Variants in SI observed in about 807,000 individuals in gnomAD.
SI encodes the protein sucrase-isomaltase, intestinal.
Under a neutral mutation model 253.3 loss-of-function variants are expected in SI, and 235 were observed. That is an observed-to-expected ratio of 0.93 (90% CI 0.83 to 1.03). The LOEUF (loss-of-function observed/expected upper bound fraction) is 1.03. Among genes scored for constraint, SI ranks in the 50% least tolerant of loss-of-function variants. The pLI, the probability that SI is intolerant of heterozygous loss-of-function variation, is 0.00. For missense variants in SI, 2,442 were observed against 2,211.1 expected (o/e 1.10, Z -2.09); for synonymous variants, 819 against 712.0 (o/e 1.15, Z -2.39).
chr3:165,029,207 A>G (rs1712088708), intron 25 of SI, among the ~76,000 whole-genome samples: 1 of 151,406 alleles, frequency 6.6e-6, no homozygotes, highest in Non-Finnish European at 1.5e-5. Flanking sequence ...GATCAGGTAA[A>G]TGCAAATTAA....
intron 37 of SI, among the ~76,000 whole-genome samples, chr3:165,003,803 G>T (rs955785399): frequency 6.6e-6 from 1 of 151,638 alleles, no homozygotes; most frequent in Non-Finnish European, 1.5e-5. Context: ...AAATGAAAAA[G>T]CATACAACAG....
chr3:165,037,964 C>T lies in SI; in HGVS notation c.2362G>A (p.Gly788Arg), dbSNP rs1042903450. 3 of 1,611,436 alleles carry T rather than the reference C, an allele frequency of 1.9e-6. No individual in the cohort carries two copies. The highest frequency in any genetic ancestry group is 1.1e-5 in the South Asian group (1 of 91,002). The change falls in exon 21 of 48, where the codon GGA (glycine) becomes AGA (arginine). Residue 788 changes from glycine (G) to arginine (R), a missense_variant. Transcript: ENST00000264382. The part of the protein sequence containing the change: ...VDMYLPADKI[G>R]LHLRGGYIIP... ...ATATAACCTCCTCTAAGATGTAATC[C>T]TATTTTGTCTGCTGGAAGATACATA...
chr3:165,077,256 C>A (rs939360051), intron 1 of SI, among the ~76,000 whole-genome samples: 19 of 151,520 alleles, frequency 1.3e-4, no homozygotes, highest in Non-Finnish European at 2.7e-4. Context: ...TAGGTGAATT[C>A]TAAATTTTGC....
intron 37 of SI, among the ~76,000 whole-genome samples, chr3:165,005,258 T>C (rs1228833117): frequency 6.7e-6 from 1 of 150,298 alleles, no homozygotes; most frequent in East Asian, 1.9e-4. Flanking sequence ...TATATATAGT[T>C]AGAAAGAATG....
At chr3:164,995,570 C>A (rs1559981340) in intron 40 of SI, among the ~76,000 whole-genome samples, 3 of 151,708 alleles carry the variant, frequency 2.0e-5, no homozygotes, top group Admixed American at 1.3e-4. Flanking sequence ...CCTCCTTCTG[C>A]ATTTGAATTT....
At chr3:164,986,419 C>T (rs1421123055) in intron 45 of SI, among the ~76,000 whole-genome samples, 1 of 152,156 alleles carries the variant, frequency 6.6e-6, no homozygotes, top group African/African-American at 2.4e-5. Context: ...AGGGGTCTTA[C>T]CCCATACCTG....
intron 13 of SI, 110 bp from the exon 14 acceptor site, chr3:165,049,985 G>A (rs937994922): frequency 6.1e-5 from 43 of 709,922 alleles, no homozygotes; most frequent in East Asian, 1.6e-4. Flanking sequence ...CATAATGCTC[G>A]TTAATTCCTA....
rs769837109 is a variant in SI at position 165,017,954 on chromosome 3, CA to C, written c.3520+15del. 6.3e-7 allele frequency: 1 copy of C among 1,593,704 alleles called. No homozygotes were observed. The highest frequency in any genetic ancestry group is 1.1e-5 in the South Asian group (1 of 90,622). On this transcript the variant is annotated intron_variant, in intron 29 of 47. Transcript: ENST00000264382. Reference sequence around the variant, plus strand: ...GTCACATAAAATAAGAGACATTCAACAAATGATTGTTTTACCCATTGCATTG... The same window carrying C: ...GTCACATAAAATAAGAGACATTCAACAATGATTGTTTTACCCATTGCATTG...
At chr3:165,035,061 A>C (rs953161241) in intron 22 of SI, among the ~76,000 whole-genome samples, 3 of 151,980 alleles carry the variant, frequency 2.0e-5, no homozygotes, top group African/African-American at 7.2e-5. Flanking sequence ...CATCTGTAGC[A>C]ATGAAGTTAC....
At position 165,021,218 on chromosome 3, in the gene SI, C is replaced by G; in HGVS notation, c.3254+11G>C. Reference sequence around the variant, plus strand: ...AAAATATCCTTTATATCAAATAATTCAATTACTTACATGACTCTTCCACTG... The same window carrying G: ...AAAATATCCTTTATATCAAATAATTGAATTACTTACATGACTCTTCCACTG... On this transcript the variant is annotated intron_variant, in intron 27 of 47. Transcript: ENST00000264382. 6.2e-7 allele frequency: 1 copy of G among 1,606,278 alleles called. No individual in the cohort carries two copies. The highest frequency in any genetic ancestry group is 8.5e-7 in the Non-Finnish European group (1 of 1,173,876).
In SI at chr3:165,043,180, A is replaced by C. The variant is rs1712937837; in HGVS notation, c.1888-5T>G. ...TCCACAGATGTCTGCTCCAACCTAA[A>C]TAACAAATATATTTACTATTTATAA... On this transcript the variant is annotated splice_polypyrimidine_tract_variant and splice_region_variant and intron_variant, in intron 16 of 47. Coordinates refer to ENST00000264382, the MANE Select transcript of SI (RefSeq NM_001041.4). The C allele has an allele frequency of 6.4e-7, 1 of 1,571,408 alleles. No homozygotes were observed. Among genetic ancestry groups the C allele is most frequent in the Non-Finnish European group, 8.7e-7 (1 of 1,143,162 alleles).
the SI span, among the ~76,000 whole-genome samples, chr3:165,084,503 A>AT: frequency 1.4e-4 from 22 of 152,076 alleles, no homozygotes; most frequent in African/African-American, 5.1e-4. Flanking sequence ...GATATGTAAA[A>AT]ATTTTTTTCT....
At chr3:165,061,353 T>C (rs1281790428) in intron 9 of SI, among the ~76,000 whole-genome samples, 4 of 151,992 alleles carry the variant, frequency 2.6e-5, no homozygotes, top group African/African-American at 7.2e-5. Context: ...AAAGTCTATA[T>C]GTAGGCCAGC....
At chr3:165,063,376 TAAAG>T in intron 8 of SI, 62 bp downstream of exon 8, 2 of 763,970 alleles carry the variant, frequency 2.6e-6, no homozygotes, top group Admixed American at 1.9e-5. Flanking sequence ...ATGATTGAAA[TAAAG>T]AGAGCAGTTA....
At chr3:165,073,262 A>C (rs879265919) in intron 3 of SI, among the ~76,000 whole-genome samples, 1 of 146,630 alleles carries the variant, frequency 6.8e-6, no homozygotes, top group Non-Finnish European at 1.5e-5. Context: ...TTCGAGACGG[A>C]GTCTCGCTCT....
At chr3:165,052,908 T>C (rs1713504062) in intron 13 of SI, among the ~76,000 whole-genome samples, 1 of 152,076 alleles carries the variant, frequency 6.6e-6, no homozygotes, top group African/African-American at 2.4e-5. Context: ...TTTGGGCATA[T>C]CTTCTTATAA....
intron 18 of SI, 53 bp downstream of exon 18, chr3:165,040,887 T>C (rs901373036): frequency 3.5e-6 from 5 of 1,428,624 alleles, no homozygotes; most frequent in African/African-American, 1.4e-5. Context: ...TTTCTGTGTA[T>C]GTTTGAACAT....
intron 25 of SI, among the ~76,000 whole-genome samples, chr3:165,027,682 C>A (rs1712002669): frequency 6.6e-6 from 1 of 151,180 alleles, no homozygotes; most frequent in Non-Finnish European, 1.5e-5. Context: ...TTGTGATACA[C>A]CACATAAACA....
At chr3:165,018,158 A>T in intron 28 of SI, 92 bp from the exon 29 acceptor site, 2 of 781,482 alleles carry the variant, frequency 2.6e-6, no homozygotes, top group Non-Finnish European at 4.4e-6. Context: ...TACAATCGAG[A>T]CTTGATATTT....
Sources: gnomAD v4.1 joint callset for allele counts (sites outside exome capture counted in the v4.1 genomes callset) on GRCh38, gnomAD v4.1.1 for gene constraint, MANE v1.5 for transcripts, NCBI Gene and HGNC (gene_info 2026-07-23, HGNC 2026-07-21) for gene names.